Variants in SPATA13 observed in about 807,000 individuals in gnomAD.
SPATA13 encodes spermatogenesis-associated protein 13.
A neutral mutation model predicts 104.0 loss-of-function variants in SPATA13; 50 were observed. The ratio of observed to expected loss-of-function variants is 0.48; its 90% CI spans 0.38 to 0.61. The LOEUF is 0.61. Among genes scored for constraint, SPATA13 ranks in the 20% least tolerant of loss-of-function variants. SPATA13 has a pLI of 0.00. For missense variants in SPATA13, 1,524 were observed against 1,690.6 expected (o/e 0.90, Z 1.73); for synonymous variants, 606 against 667.5 (o/e 0.91, Z 1.42).
intron 3 of SPATA13, among the ~76,000 whole-genome samples, chr13:24,041,995 G>A (rs1877947339): frequency 6.6e-6 from 1 of 152,224 alleles, no homozygotes; most frequent in African/African-American, 2.4e-5. Flanking sequence ...TTTAGAAAGT[G>A]TACCAGGGAA....
At chr13:24,250,641 C>T (rs942863571) in intron 3 of SPATA13, among the ~76,000 whole-genome samples, 1 of 152,136 alleles carries the variant, frequency 6.6e-6, no homozygotes, top group Non-Finnish European at 1.5e-5. Flanking sequence ...GGATTGTATA[C>T]GTCTACATTT....
At chr13:24,174,733 C>T (rs895026946) in intron 1 of SPATA13, among the ~76,000 whole-genome samples, 6 of 152,028 alleles carry the variant, frequency 3.9e-5, no homozygotes, top group African/African-American at 1.2e-4. Context: ...TGTGTCACCA[C>T]GCCTGGCTAA....
chr13:24,056,885 A>G (rs1379876193), intron 3 of SPATA13, among the ~76,000 whole-genome samples: 4 of 150,256 alleles, frequency 2.7e-5, no homozygotes, highest in Admixed American at 2.0e-4. Context: ...TATCCTTGAC[A>G]GGGCAAGGGG....
intron 4 of SPATA13, among the ~76,000 whole-genome samples, chr13:24,281,811 G>T (rs961753144): frequency 6.6e-6 from 1 of 152,158 alleles, no homozygotes; most frequent in Non-Finnish European, 1.5e-5. Flanking sequence ...AGAGGGGCTG[G>T]GGCCGGGCTG....
intron 2 of SPATA13, among the ~76,000 whole-genome samples, chr13:24,245,912 A>G (rs528214893): frequency 3.3e-5 from 5 of 152,092 alleles, no homozygotes; most frequent in African/African-American, 1.2e-4. Flanking sequence ...TGTGTGCTCT[A>G]CTGTGCTGAC....
intron 3 of SPATA13, among the ~76,000 whole-genome samples, chr13:24,046,556 T>TTTTTTTTTTTTTTTTTTTTGAGACGGA (rs1312966281): frequency 1.0e-4 from 15 of 150,622 alleles, no homozygotes; most frequent in African/African-American, 3.4e-4. Context: ...TGTACTCTTT[T>TTTTTTTTTTTTTTTTTTTTGAGACGGA]GTGTCTGGCC....
Position 24,290,683 on chromosome 13 carries a change from G to A in SPATA13, c.2879G>A (p.Cys960Tyr). 1 of 1,614,146 alleles carries A rather than the reference G, an allele frequency of 6.2e-7. No individual in the cohort carries two copies. Among genetic ancestry groups the A allele is most frequent in the Non-Finnish European group, 8.5e-7 (1 of 1,180,020 alleles). The change falls in exon 9 of 13, where the codon TGC (cysteine) becomes TAC (tyrosine). Residue 960 changes from cysteine to tyrosine, a missense_variant. Physicochemically the swap from Cys to Tyr is radical, Grantham distance 194 (BLOSUM62 -2). This residue lies in a region of SPATA13 where 435 missense variants were observed against 554.8 expected (regional missense o/e 0.78). Transcript: ENST00000382108. ...QEGFAIYSEY[C>Y]NNHPGACLEL... Reference sequence around the variant, plus strand: ...GGCTTTGCCATCTATTCCGAGTACTGCAACAACCACCCGGGCGCCTGCCTG... The same window carrying A: ...GGCTTTGCCATCTATTCCGAGTACTACAACAACCACCCGGGCGCCTGCCTG...
intron 1 of SPATA13, among the ~76,000 whole-genome samples, chr13:24,201,261 G>A (rs1461293582): frequency 6.6e-6 from 1 of 151,966 alleles, no homozygotes; most frequent in African/African-American, 2.4e-5. Flanking sequence ...ATCATCAGCT[G>A]TTTGTTTTTT....
rs541347922 is a variant in SPATA13, at chr13:24,032,284, T to C, written c.-112+14583T>C. On this transcript the variant is annotated intron_variant, in intron 3 of 14. Coordinates refer to the SPATA13 transcript ENST00000424834. ...CACTTGCCCATGCTGTATTCAACACTGAGCCTGCTCTCTCTCCCCTATGGC... is the reference window on the plus strand; with the variant it reads ...CACTTGCCCATGCTGTATTCAACACCGAGCCTGCTCTCTCTCCCCTATGGC... Among the ~76,000 whole-genome samples the C allele has an allele frequency of 1.2e-3, 190 of 152,336 alleles. 1 individual carries two copies. Among genetic ancestry groups the C allele is most frequent in the African/African-American group, 4.2e-3 (176 of 41,574 alleles).
At chr13:24,024,249 C>T (rs993062450) in intron 3 of SPATA13, among the ~76,000 whole-genome samples, 1 of 152,148 alleles carries the variant, frequency 6.6e-6, no homozygotes, top group Admixed American at 6.5e-5. Context: ...TGTATGCGCT[C>T]TAAGATTCTT....
chr13:24,206,875 A>G, intron 1 of SPATA13, among the ~76,000 whole-genome samples: 1 of 120,090 alleles, frequency 8.3e-6, no homozygotes, highest in African/African-American at 2.9e-5. Flanking sequence ...CTGGGCAACG[A>G]GTGAAACTCT....
chr13:24,027,821 C>T (rs1055263681), intron 3 of SPATA13, among the ~76,000 whole-genome samples: 10 of 152,132 alleles, frequency 6.6e-5, no homozygotes, highest in Non-Finnish European at 1.5e-5. Flanking sequence ...TAGAAGAACA[C>T]GTGGTGTAGA....
At chr13:24,046,939 A>G (rs188148433) in intron 3 of SPATA13, among the ~76,000 whole-genome samples, 34 of 141,796 alleles carry the variant, frequency 2.4e-4, no homozygotes, top group Non-Finnish European at 3.7e-4. Flanking sequence ...GCCAAGCAGA[A>G]CAGGAGTTTA....
In SPATA13 at chr13:24,297,418, A is replaced by C. The variant is rs754210107; in HGVS notation, c.3266A>C (p.Lys1089Thr). 1 of 1,614,032 alleles carries C rather than the reference A, an allele frequency of 6.2e-7. No homozygotes were observed. The highest frequency in any genetic ancestry group is 1.1e-5 in the South Asian group (1 of 91,080). The change falls in exon 11 of 13, where the codon AAA becomes ACA. Residue 1089 changes from lysine (K) to threonine (T), a missense_variant. Lys to Thr is a moderately conservative substitution (Grantham distance 78, BLOSUM62 -1). This residue lies in a region of SPATA13 where 435 missense variants were observed against 554.8 expected (regional missense o/e 0.78). Transcript: ENST00000382108. The part of the protein sequence containing the change: ...SELIHSGELT[K>T]ITKQGKSQQR... ...TTGATTCATTCTGGGGAGCTGACCA[A>C]AATCACTAAGCAAGGCAAAAGCCAG...
intron 3 of SPATA13, among the ~76,000 whole-genome samples, chr13:24,138,396 G>A (rs1881644800): frequency 6.6e-6 from 1 of 152,088 alleles, no homozygotes; most frequent in Non-Finnish European, 1.5e-5. Flanking sequence ...TCCAGTAGGG[G>A]TTTAGTGCGT....
chr13:24,177,719 T>G (rs1469583363), intron 1 of SPATA13, among the ~76,000 whole-genome samples: 1 of 152,108 alleles, frequency 6.6e-6, no homozygotes, highest in East Asian at 1.9e-4. Context: ...CCCAAAGTGT[T>G]GGGGTTACAG....
rs201345366 is a variant in SPATA13, at chr13:24,297,761, A to G, written c.3583+26A>G. 1.5e-3 allele frequency: 2,359 copies of G among 1,586,944 alleles called. 7 individuals carry two copies. Among genetic ancestry groups the G allele is most frequent in the Admixed American group, 2.7e-3 (155 of 58,368 alleles). The stretch of plus-strand genomic sequence containing the variant: ...GTGAGCAGCCCTTGGCTCTGCAGGC[A>G]CCTGTGCCTCTGCTTGCTGTAATAG... On this transcript the variant is annotated intron_variant, in intron 11 of 12. Coordinates refer to ENST00000382108, the MANE Select transcript of SPATA13 (RefSeq NM_001166271.3).
intron 2 of SPATA13, among the ~76,000 whole-genome samples, chr13:24,242,595 T>A (rs1872908662): frequency 1.3e-5 from 2 of 152,208 alleles, no homozygotes; most frequent in Admixed American, 1.3e-4. Flanking sequence ...AAAATGGGGG[T>A]AATTACGTCT....
intron 3 of SPATA13, among the ~76,000 whole-genome samples, chr13:24,037,978 C>T (rs1345040357): frequency 1.3e-5 from 2 of 151,964 alleles, no homozygotes; most frequent in Admixed American, 6.5e-5. Context: ...GTGGCACAAT[C>T]TTGGCTCACT....
Sources: allele counts gnomAD v4.1 joint callset (sites outside exome capture counted in the v4.1 genomes callset), GRCh38; gene constraint gnomAD v4.1.1; regional missense constraint gnomAD v4.1.1; transcripts MANE v1.5; gene names NCBI Gene and HGNC (gene_info 2026-07-23, HGNC 2026-07-21).